The following KCNIP4 variants were observed in gnomAD, a reference collection of about 807,000 sequenced individuals.
The protein encoded by KCNIP4 is potassium voltage-gated channel interacting protein 4, also known as Kv channel-interacting protein 4.
Under a neutral mutation model 34.0 loss-of-function variants are expected in KCNIP4, and 12 were observed. That is an observed-to-expected ratio of 0.35 (90% CI 0.23 to 0.57). The LOEUF is 0.57. KCNIP4 is among the 20% of genes least tolerant of loss of function. KCNIP4 has a pLI of 0.83. For synonymous variants in KCNIP4, 124 were observed against 102.2 expected, an observed-to-expected ratio of 1.21 and a Z score of -1.29; for missense variants, 238 against 311.7, an observed-to-expected ratio of 0.76 and a Z score of 1.78.
chr4:21,423,504 G>A (rs891778711), intron 1 of KCNIP4, among the ~76,000 whole-genome samples: 1 of 152,108 alleles, frequency 6.6e-6, no homozygotes, highest in East Asian at 1.9e-4. Flanking sequence ...TACATTTGTT[G>A]AATGACAAAG....
chr4:20,905,215 C>T lies in KCNIP4; in HGVS notation c.62-22506G>A, dbSNP rs533411656. ...CAGCAGGTTTGGTTACTTTCAAGGC[C>T]TCTCTTTTTGTCTTGTATCGATGAG... On this transcript the variant is annotated intron_variant, in intron 1 of 8. Coordinates refer to ENST00000382152, the MANE Select transcript of KCNIP4 (RefSeq NM_025221.6). 1.5e-3 allele frequency among the ~76,000 whole-genome samples: 229 copies of T among 152,264 alleles called. 3 individuals are homozygous for T. The highest frequency in any genetic ancestry group is 4.0e-3 in the African/African-American group (165 of 41,560).
chr4:21,808,340 T>TTCC (rs1016970017), intron 1 of KCNIP4, among the ~76,000 whole-genome samples: 2 of 152,108 alleles, frequency 1.3e-5, no homozygotes, highest in Admixed American at 1.3e-4. Flanking sequence ...TCTTCTCTTC[T>TTCC]TCCTCCTCCT....
chr4:21,037,261 G>A (rs1741534793), intron 1 of KCNIP4, among the ~76,000 whole-genome samples: 1 of 152,142 alleles, frequency 6.6e-6, no homozygotes, highest in Non-Finnish European at 1.5e-5. Flanking sequence ...AAAGTCTACA[G>A]GAGTTTACAG....
At chr4:20,971,211 G>A (rs1734918222) in intron 1 of KCNIP4, among the ~76,000 whole-genome samples, 1 of 152,100 alleles carries the variant, frequency 6.6e-6, no homozygotes, top group African/African-American at 2.4e-5. Context: ...AAGGGAGAAG[G>A]AGCCATAGAA....
chr4:21,866,787 T>TC (rs1276877223), intron 1 of KCNIP4, among the ~76,000 whole-genome samples: 5 of 145,676 alleles, frequency 3.4e-5, no homozygotes, highest in African/African-American at 1.3e-4. Context: ...TTTTTTTTTT[T>TC]GAGATGGAGT....
chr4:21,787,478 T>G (rs577882520), intron 1 of KCNIP4, among the ~76,000 whole-genome samples: 1 of 152,276 alleles, frequency 6.6e-6, no homozygotes, highest in South Asian at 2.1e-4. Flanking sequence ...CTCAGTACAC[T>G]CCAGATATTA....
intron 1 of KCNIP4, among the ~76,000 whole-genome samples, chr4:21,504,465 C>CAAAAAAAAAAAAAAAAAAAAA (rs376644707): frequency 1.2e-4 from 7 of 56,320 alleles, no homozygotes; most frequent in Admixed American, 3.9e-4. Flanking sequence ...GACTCCAACT[C>CAAAAAAAAAAAAAAAAAAAAA]AAAAAAAAAA....
chr4:21,701,325 A>C (rs1712821888), intron 1 of KCNIP4, among the ~76,000 whole-genome samples: 4 of 152,208 alleles, frequency 2.6e-5, no homozygotes, highest in Admixed American at 6.5e-5. Context: ...GGAGGAATAC[A>C]TTTTATTGAT....
chr4:20,951,171 TG>T (rs1732752872), intron 1 of KCNIP4, among the ~76,000 whole-genome samples: 1 of 152,094 alleles, frequency 6.6e-6, no homozygotes, highest in African/African-American at 2.4e-5. Flanking sequence ...AGGGAGATCA[TG>T]TGAGGACACA....
intron 1 of KCNIP4, among the ~76,000 whole-genome samples, chr4:21,331,144 T>A (rs1329135420): frequency 6.6e-6 from 1 of 150,962 alleles, no homozygotes; most frequent in Non-Finnish European, 1.5e-5. Flanking sequence ...ACTTTGACTA[T>A]TTTTTTTTGC....
At chr4:21,509,769 TA>T (rs1734149637) in intron 1 of KCNIP4, among the ~76,000 whole-genome samples, 1 of 152,194 alleles carries the variant, frequency 6.6e-6, no homozygotes, top group Non-Finnish European at 1.5e-5. Context: ...CCTGTGTTTG[TA>T]CAATTATTTA....
In KCNIP4 at chr4:20,973,915, G is replaced by A. The variant is rs141682879; in HGVS notation, c.62-91206C>T. Among the ~76,000 whole-genome samples the A allele has an allele frequency of 3.1e-4, 47 of 152,008 alleles. 1 individual carries two copies. Among genetic ancestry groups the A allele is most frequent in the Non-Finnish European group, 5.9e-5 (4 of 67,984 alleles). ...CTAATCTGAACTCGATTATTCCTGAGGTATATGGTATAAAAATTTCTCTAG... is the reference window on the plus strand; with the variant it reads ...CTAATCTGAACTCGATTATTCCTGAAGTATATGGTATAAAAATTTCTCTAG... On this transcript the variant is annotated intron_variant, in intron 1 of 8. Coordinates refer to ENST00000382152, the MANE Select transcript of KCNIP4 (RefSeq NM_025221.6).
chr4:21,175,408 C>T (rs746637512), intron 1 of KCNIP4, among the ~76,000 whole-genome samples: 66 of 152,250 alleles, frequency 4.3e-4, no homozygotes, highest in Non-Finnish European at 7.4e-4. Context: ...ATAGTTCTGA[C>T]CCCTATGTCT....
At chr4:21,083,647 AGGC>A (rs1188306943) in intron 1 of KCNIP4, among the ~76,000 whole-genome samples, 7 of 151,866 alleles carry the variant, frequency 4.6e-5, no homozygotes, top group Non-Finnish European at 8.8e-5. Flanking sequence ...AGAAGCTGGA[AGGC>A]AAGGAATGGA....
At position 21,557,881 on chromosome 4, in the gene KCNIP4, A is replaced by G. The variant is rs1010646085; in HGVS notation, c.61+390690T>C. ...CGAAGGAAGATGTGGGGATTCTTCT[A>G]CCACAGGTAGTCAGGTAGACCTGTC... is the stretch of plus-strand genomic sequence containing the variant. On this transcript the variant is annotated intron_variant, in intron 1 of 8. Transcript: ENST00000382152. Among the ~76,000 whole-genome samples the G allele has an allele frequency of 2.0e-5, 3 of 152,150 alleles. No individual in the cohort carries two copies. The East Asian group carries it at 5.8e-4, about 29-fold the overall frequency.
intron 1 of KCNIP4, among the ~76,000 whole-genome samples, chr4:21,340,859 C>T (rs1056489099): frequency 6.6e-6 from 1 of 152,044 alleles, no homozygotes; most frequent in Non-Finnish European, 1.5e-5. Flanking sequence ...GTATATTACA[C>T]AGTCTATATT....
intron 1 of KCNIP4, among the ~76,000 whole-genome samples, chr4:21,012,159 G>A (rs984837729): frequency 6.6e-6 from 1 of 152,194 alleles, no homozygotes; most frequent in Non-Finnish European, 1.5e-5. Flanking sequence ...GTCAAGCCTT[G>A]TGGTTCCTGT....
At chr4:21,377,731 A>G (rs1362612061) in intron 1 of KCNIP4, among the ~76,000 whole-genome samples, 1 of 152,194 alleles carries the variant, frequency 6.6e-6, no homozygotes, top group African/African-American at 2.4e-5. Context: ...ATGAAAATGA[A>G]GATTCAGAAA....
intron 1 of KCNIP4, among the ~76,000 whole-genome samples, chr4:21,428,953 A>T (rs1245093498): frequency 6.6e-6 from 1 of 152,200 alleles, no homozygotes; most frequent in Non-Finnish European, 1.5e-5. Flanking sequence ...TATACTGGTT[A>T]CAATGGATGA....
Sources: allele counts gnomAD v4.1 joint callset (sites outside exome capture counted in the v4.1 genomes callset), GRCh38; gene constraint gnomAD v4.1.1; transcripts MANE v1.5; gene names NCBI Gene and HGNC (gene_info 2026-07-23, HGNC 2026-07-21).